ERC1: variants seen among roughly 807,000 people sequenced by gnomAD.
The protein encoded by ERC1 is ELKS/RAB6-interacting/CAST family member 1.
A neutral mutation model predicts 132.0 loss-of-function variants in ERC1; 56 were observed. The ratio of observed to expected loss-of-function variants is 0.42; its 90% CI spans 0.34 to 0.53. ERC1 has a LOEUF of 0.53. Among genes scored for constraint, ERC1 ranks in the 20% least tolerant of loss-of-function variants. The probability of loss-of-function intolerance (pLI) is 0.03; values close to 1 mark genes in which losing one functional copy is unlikely to be tolerated. For synonymous variants in ERC1, 478 were observed against 476.1 expected, an observed-to-expected ratio of 1.00 and a Z score of -0.05; for missense variants, 1,202 against 1,349.9, an observed-to-expected ratio of 0.89 and a Z score of 1.72.
chr12:1,445,560 C>A (rs1324365042), intron 18 of ERC1, among the ~76,000 whole-genome samples: 1 of 151,882 alleles, frequency 6.6e-6, no homozygotes, highest in Non-Finnish European at 1.5e-5. Context: ...TGAAGGTAAT[C>A]CTCCTGTCTA....
chr12:1,111,522 A>G (rs7954247), intron 5 of ERC1, among the ~76,000 whole-genome samples: 37,399 of 151,928 alleles, frequency 0.25, 4,904 homozygotes, highest in African/African-American at 0.31. Context: ...TCTACAGAAT[A>G]TTCCTCTGCT....
chr12:1,141,934 T>G, intron 8 of ERC1, 147 bp downstream of exon 8: 1 of 584,330 alleles, frequency 1.7e-6, no homozygotes, highest in Non-Finnish European at 2.8e-6. Context: ...CTTGTTGCGG[T>G]AGGTAGATTG....
Position 1,491,665 on chromosome 12 carries a change from G to A in ERC1, c.*1435G>A, listed in dbSNP as rs1219991662. On this transcript the variant is annotated 3_prime_UTR_variant, in exon 19 of 19. Transcript: ENST00000360905. Reference sequence around the variant, plus strand: ...TTCTGGATTTTTGCTGTTTGTTATTGCCCTTAGAGGGGCTCTGAGTATCTA... The same window carrying A: ...TTCTGGATTTTTGCTGTTTGTTATTACCCTTAGAGGGGCTCTGAGTATCTA... 12 of 229,960 alleles carry A rather than the reference G, an allele frequency of 5.2e-5. No individual in the cohort carries two copies. The highest frequency in any genetic ancestry group is 9.5e-5 in the Non-Finnish European group (11 of 116,144). The allele number at this position is 229,960 out of a possible 1,614,324, so 14.2% of individuals were successfully genotyped here.
intron 15 of ERC1, among the ~76,000 whole-genome samples, chr12:1,354,096 A>G (rs1388988838): frequency 7.0e-6 from 1 of 142,768 alleles, no homozygotes; most frequent in Non-Finnish European, 1.5e-5. Flanking sequence ...GGTCTCATGT[A>G]CTCCTGTGAT....
chr12:1,044,598 G>A (rs943793248), intron 2 of ERC1, among the ~76,000 whole-genome samples: 2 of 152,164 alleles, frequency 1.3e-5, no homozygotes, highest in Admixed American at 6.5e-5. Context: ...TAATAGGTAT[G>A]CAGATAAAAG....
chr12:1,204,662 A>G, intron 12 of ERC1: 1 of 732,626 alleles, frequency 1.4e-6, no homozygotes, highest in African/African-American at 1.7e-5. Context: ...TATTGGGTTT[A>G]TCAGAAGAGT....
intron 8 of ERC1, among the ~76,000 whole-genome samples, chr12:1,144,283 G>C (rs1297356621): frequency 6.6e-6 from 1 of 152,074 alleles, no homozygotes; most frequent in Admixed American, 6.6e-5. Flanking sequence ...AGTTTTTGGA[G>C]AACAGGTGGT....
chr12:1,367,973 T>TTTA (rs1555377018), intron 15 of ERC1, among the ~76,000 whole-genome samples: 1 of 145,978 alleles, frequency 6.9e-6, no homozygotes, highest in Non-Finnish European at 1.5e-5. Context: ...TTTTTTTTTT[T>TTTA]AACTCTGGAA....
At chr12:1,074,062 C>G (rs1044429282) in intron 2 of ERC1, among the ~76,000 whole-genome samples, 1 of 151,558 alleles carries the variant, frequency 6.6e-6, no homozygotes, top group Non-Finnish European at 1.5e-5. Flanking sequence ...ACGGCTTTCA[C>G]CATGATGGCC....
chr12:1,351,896 T>C (rs945736475), intron 15 of ERC1, among the ~76,000 whole-genome samples: 2 of 152,162 alleles, frequency 1.3e-5, no homozygotes, highest in African/African-American at 4.8e-5. Context: ...ATTTTCTCAT[T>C]CTCTTAATAT....
chr12:1,179,701 G>A (rs1954179711), intron 8 of ERC1, among the ~76,000 whole-genome samples: 1 of 151,790 alleles, frequency 6.6e-6, no homozygotes, highest in Non-Finnish European at 1.5e-5. Flanking sequence ...TAGAGACGGG[G>A]TTTCACCGTT....
intron 9 of ERC1, 109 bp from the exon 10 acceptor site, chr12:1,181,816 T>A: frequency 8.5e-7 from 1 of 1,171,188 alleles, no homozygotes; most frequent in Non-Finnish European, 1.2e-6. Flanking sequence ...CTTTAAAAAC[T>A]TACCATTGTC....
At chr12:1,173,886 T>G (rs1953370440) in intron 8 of ERC1, among the ~76,000 whole-genome samples, 1 of 152,204 alleles carries the variant, frequency 6.6e-6, no homozygotes, top group Non-Finnish European at 1.5e-5. Context: ...TGATGCTGAA[T>G]TCAGTGAGTG....
intron 3 of ERC1, among the ~76,000 whole-genome samples, chr12:1,084,137 T>G (rs1942630653): frequency 1.3e-5 from 2 of 152,222 alleles, no homozygotes; most frequent in South Asian, 2.1e-4. Flanking sequence ...AGACACAGTG[T>G]TACTTATTTT....
intron 1 of ERC1, among the ~76,000 whole-genome samples, chr12:992,814 A>C (rs377653591): frequency 2.1e-4 from 32 of 152,228 alleles, no homozygotes; most frequent in Admixed American, 6.5e-4. Context: ...CATGATGGAC[A>C]TGTATTATGT....
intron 17 of ERC1, among the ~76,000 whole-genome samples, chr12:1,418,293 C>T (rs2092221766): frequency 6.6e-6 from 1 of 152,134 alleles, no homozygotes; most frequent in Non-Finnish European, 1.5e-5. Context: ...ACCTTCTCCT[C>T]ACCCTTCTTG....
chr12:1,260,335 C>A (rs10161545), intron 13 of ERC1, among the ~76,000 whole-genome samples: 2,456 of 152,236 alleles, frequency 0.016, 68 homozygotes, highest in African/African-American at 0.056. Flanking sequence ...TCATTTTTGG[C>A]CTTTCTAAAA....
At chr12:1,472,137 C>G (rs73601909) in intron 18 of ERC1, among the ~76,000 whole-genome samples, 1 of 151,946 alleles carries the variant, frequency 6.6e-6, no homozygotes, top group Non-Finnish European at 1.5e-5. Context: ...AGCTGCAGGT[C>G]GGGGATAGGG....
At chr12:1,188,186 A>G (rs1473045332) in intron 11 of ERC1, among the ~76,000 whole-genome samples, 3 of 152,120 alleles carry the variant, frequency 2.0e-5, no homozygotes, top group African/African-American at 4.8e-5. Flanking sequence ...CCTATTGCCT[A>G]TTTCGTCACC....
Sources: allele counts gnomAD v4.1 joint callset (sites outside exome capture counted in the v4.1 genomes callset), GRCh38; gene constraint gnomAD v4.1.1; transcripts MANE v1.5; gene names NCBI Gene and HGNC (gene_info 2026-07-23, HGNC 2026-07-21).